PANX1: variants seen among roughly 807,000 people sequenced by gnomAD.
The protein encoded by PANX1 is pannexin-1.
A neutral mutation model predicts 38.7 loss-of-function variants in PANX1; 30 were observed. The ratio of observed to expected loss-of-function variants is 0.78; its 90% CI spans 0.58 to 1.05. The LOEUF (loss-of-function observed/expected upper bound fraction) is 1.05, where lower values mean the gene tolerates loss of function less well. Ranked by LOEUF, PANX1 falls within the 50% of genes least tolerant of loss-of-function variation. The pLI is 0.00. For synonymous variants in PANX1, 230 were observed against 212.2 expected (o/e 1.08, Z -0.73); for missense variants, 551 against 517.2 (o/e 1.07, Z -0.63).
At chr11:94,146,678 A>C (rs1946831861) in intron 1 of PANX1, among the ~76,000 whole-genome samples, 1 of 152,248 alleles carries the variant, frequency 6.6e-6, no homozygotes, top group Non-Finnish European at 1.5e-5. Context: ...CAGACCCAAA[A>C]TGAAGAGCAT....
intron 2 of PANX1, among the ~76,000 whole-genome samples, chr11:94,173,968 G>T (rs1947200015): frequency 6.6e-6 from 1 of 151,596 alleles, no homozygotes; most frequent in Non-Finnish European, 1.5e-5. Context: ...CTTTCAGGGA[G>T]AGTCTGTGAT....
At chr11:94,175,175 G>A (rs1277957390) in intron 2 of PANX1, among the ~76,000 whole-genome samples, 1 of 151,800 alleles carries the variant, frequency 6.6e-6, no homozygotes, top group East Asian at 1.9e-4. Context: ...TGAAATTAAA[G>A]ACTGTAATTT....
At chr11:94,156,178 C>T (rs144536789) in intron 2 of PANX1, among the ~76,000 whole-genome samples, 1 of 152,244 alleles carries the variant, frequency 6.6e-6, no homozygotes, top group African/African-American at 2.4e-5. Flanking sequence ...GGGATCTAGC[C>T]TAAAGGTTAT....
intron 1 of PANX1, among the ~76,000 whole-genome samples, chr11:94,144,472 G>T (rs1946803823): frequency 6.6e-6 from 1 of 152,084 alleles, no homozygotes. Context: ...CCTCCACCCT[G>T]TCAGCAGTCT....
At chr11:94,149,353 C>A (rs1946860176) in intron 1 of PANX1, among the ~76,000 whole-genome samples, 1 of 152,168 alleles carries the variant, frequency 6.6e-6, no homozygotes, top group African/African-American at 2.4e-5. Flanking sequence ...GCCACCTGTG[C>A]TGCTGCTCAG....
chr11:94,144,386 T>C (rs1946802548), intron 1 of PANX1, among the ~76,000 whole-genome samples: 1 of 151,686 alleles, frequency 6.6e-6, no homozygotes, highest in Non-Finnish European at 1.5e-5. Context: ...ATGATGTCGT[T>C]TTTTTGATCT....
At chr11:94,178,273 T>C (rs1591527715) in intron 2 of PANX1, 96 bp from the exon 3 acceptor site, 1 of 905,134 alleles carries the variant, frequency 1.1e-6, no homozygotes, top group Non-Finnish European at 1.8e-6. Context: ...AATACACATT[T>C]GTCTCAAGAT....
chr11:94,175,668 G>A (rs1477670836), intron 2 of PANX1: 1 of 818,252 alleles, frequency 1.2e-6, no homozygotes, highest in South Asian at 5.6e-5. Flanking sequence ...GAAACTCTGT[G>A]TCATGCACTT....
At position 94,179,668 on chromosome 11, in the gene PANX1, A is replaced by G; in HGVS notation, c.612A>G (p.Lys204=). 6.2e-7 allele frequency: 1 copy of G among 1,613,654 alleles called. No individual in the cohort carries two copies. Among genetic ancestry groups the G allele is most frequent in the Non-Finnish European group, 8.5e-7 (1 of 1,179,752 alleles). ...PIVEQYLKTK[K]NSNNLIIKYI... is the part of the protein sequence containing the mutation. Reference sequence around the variant, plus strand: ...TGGAGCAGTACTTGAAGACAAAGAAAAATTCTAATAATTTAATCATCAAGT... The same window carrying G: ...TGGAGCAGTACTTGAAGACAAAGAAGAATTCTAATAATTTAATCATCAAGT... Residue 204 remains lysine (K), a synonymous_variant, in exon 4 of 5, where the codon AAA becomes AAG. Coordinates refer to ENST00000227638, the MANE Select transcript of PANX1 (RefSeq NM_015368.4).
chr11:94,156,864 T>C (rs1043602545), intron 2 of PANX1, among the ~76,000 whole-genome samples: 1 of 152,026 alleles, frequency 6.6e-6, no homozygotes, highest in African/African-American at 2.4e-5. Flanking sequence ...CTCCTAATGC[T>C]ATCCCTCCCC....
chr11:94,180,763 A>G, intron 4 of PANX1, 27 bp from the exon 5 acceptor site: 6 of 1,238,824 alleles, frequency 4.8e-6, no homozygotes, highest in Non-Finnish European at 7.1e-6. Flanking sequence ...TGTTTCTGTC[A>G]TAAATATTTG....
chr11:94,129,345 G>C lies in PANX1; in HGVS notation c.33G>C (p.Val11=), dbSNP rs1946597486. The change falls in exon 1 of 5, where the codon GTG becomes GTC. Residue 11 remains valine (V), a synonymous_variant. Coordinates refer to ENST00000227638, the MANE Select transcript of PANX1 (RefSeq NM_015368.4). The part of the protein sequence containing the change: MAIAQLATEY[V]FSDFLLKEPT... ...TCGCTCAACTGGCCACGGAGTACGT[G>C]TTCTCGGATTTCTTGCTGAAGGAGC... 6.2e-7 allele frequency: 1 copy of C among 1,613,698 alleles called. No homozygotes were observed. The highest frequency in any genetic ancestry group is 1.3e-5 in the African/African-American group (1 of 74,942).
At chr11:94,147,260 A>T (rs144646779) in intron 1 of PANX1, among the ~76,000 whole-genome samples, 1 of 152,190 alleles carries the variant, frequency 6.6e-6, no homozygotes, top group South Asian at 2.1e-4. Context: ...GAAAATCTGT[A>T]TTTATCATCT....
chr11:94,171,368 C>T (rs572866678), intron 2 of PANX1, among the ~76,000 whole-genome samples: 1 of 151,704 alleles, frequency 6.6e-6, no homozygotes, highest in Non-Finnish European at 1.5e-5. Context: ...AATATCTTGC[C>T]ATAATTCTGC....
chr11:94,169,814 G>A (rs1303183478), intron 2 of PANX1, among the ~76,000 whole-genome samples: 2 of 151,582 alleles, frequency 1.3e-5, no homozygotes, highest in Non-Finnish European at 2.9e-5. Flanking sequence ...CCTTGATTTT[G>A]AACTCCTCAC....
chr11:94,142,757 C>A (rs1046015910), intron 1 of PANX1, among the ~76,000 whole-genome samples: 4 of 152,182 alleles, frequency 2.6e-5, no homozygotes, highest in Admixed American at 2.6e-4. Context: ...CATAATAGCC[C>A]AGTGAATGCT....
At chr11:94,146,572 A>G (rs73512239) in intron 1 of PANX1, among the ~76,000 whole-genome samples, 9,155 of 152,218 alleles carry the variant, frequency 0.06, 939 homozygotes, top group African/African-American at 0.21. Context: ...AGGTCATCCA[A>G]TGCTCCCAGG....
chr11:94,176,457 A>G (rs960673969), intron 2 of PANX1, among the ~76,000 whole-genome samples: 1 of 151,686 alleles, frequency 6.6e-6, no homozygotes, highest in Non-Finnish European at 1.5e-5. Context: ...CTTTACAAAT[A>G]AAAGTCTGAA....
At chr11:94,167,359 C>T (rs56044037) in intron 2 of PANX1, among the ~76,000 whole-genome samples, 55,968 of 151,904 alleles carry the variant, frequency 0.37, 10,800 homozygotes, top group African/African-American at 0.45. Context: ...AGGGTGCTTT[C>T]TTGCATGGAT....
Sources: gnomAD v4.1 joint callset for allele counts (sites outside exome capture counted in the v4.1 genomes callset) on GRCh38, gnomAD v4.1.1 for gene constraint, MANE v1.5 for transcripts, NCBI Gene and HGNC (gene_info 2026-07-23, HGNC 2026-07-21) for gene names.